Variants in NBEA observed in about 807,000 individuals in gnomAD.
NBEA encodes the protein neurobeachin.
In NBEA, 44 loss-of-function variants were observed where a neutral mutation model predicts 343.4. The observed-to-expected ratio is 0.13, with a 90% confidence interval of 0.10 to 0.16. The LOEUF is 0.16. NBEA is among the 10% of genes least tolerant of loss of function. The pLI is 1.00. For synonymous variants in NBEA, 1,175 were observed against 1,238.7 expected, an observed-to-expected ratio of 0.95 and a Z score of 1.08; for missense variants, 2,555 against 3,631.3, an observed-to-expected ratio of 0.70 and a Z score of 7.62.
Position 35,004,207 on chromosome 13 carries a change from C to CT in NBEA, c.295-36723dup, listed in dbSNP as rs576554155. 3.7e-3 allele frequency among the ~76,000 whole-genome samples: 566 copies of CT among 152,168 alleles called. 2 individuals carry two copies. Among genetic ancestry groups the CT allele is most frequent in the Non-Finnish European group, 6.2e-3 (422 of 68,012 alleles). ...ATGGGCATTTGGGTTGATTCCATGT[C>CT]TTTGCTATTGTGAATAGTGCTGCAG... On this transcript the variant is annotated intron_variant, in intron 1 of 58. Coordinates refer to ENST00000379939, the MANE Select transcript of NBEA (RefSeq NM_001385012.1).
intron 47 of NBEA, among the ~76,000 whole-genome samples, chr13:35,593,788 C>T (rs1242275471): frequency 2.6e-5 from 4 of 152,058 alleles, no homozygotes; most frequent in Non-Finnish European, 5.9e-5. Flanking sequence ...TGGATTTGAC[C>T]TTAATGTGTC....
intron 18 of NBEA, among the ~76,000 whole-genome samples, chr13:35,153,989 A>G (rs1170675348): frequency 6.6e-6 from 1 of 152,016 alleles, no homozygotes; most frequent in South Asian, 2.1e-4. Flanking sequence ...TCTCGTGTCA[A>G]CTCCGTTTGA....
At chr13:35,120,752 A>G (rs557381123) in intron 16 of NBEA, among the ~76,000 whole-genome samples, 13 of 134,038 alleles carry the variant, frequency 9.7e-5, no homozygotes, top group Non-Finnish European at 1.6e-4. Flanking sequence ...TTTCAAAGAA[A>G]GGAATAGACA....
At chr13:35,389,017 C>CTT (rs796374405) in intron 38 of NBEA, among the ~76,000 whole-genome samples, 15 of 137,384 alleles carry the variant, frequency 1.1e-4, no homozygotes, top group African/African-American at 2.6e-4. Context: ...TGGCGGGTTT[C>CTT]TTTTTTTTTT....
At chr13:35,511,553 G>T (rs967907720) in intron 41 of NBEA, among the ~76,000 whole-genome samples, 1 of 152,074 alleles carries the variant, frequency 6.6e-6, no homozygotes, top group African/African-American at 2.4e-5. Flanking sequence ...CACACATCCA[G>T]TATCTCTCAA....
chr13:35,257,344 T>C (rs1245034540), intron 34 of NBEA, among the ~76,000 whole-genome samples: 4 of 152,332 alleles, frequency 2.6e-5, no homozygotes, highest in African/African-American at 9.6e-5. Context: ...GCTAATTCTA[T>C]TGGTATTTTG....
chr13:35,586,842 A>T (rs887516983), intron 46 of NBEA, among the ~76,000 whole-genome samples: 12 of 152,324 alleles, frequency 7.9e-5, no homozygotes, highest in Non-Finnish European at 1.6e-4. Flanking sequence ...CAAATTCCAG[A>T]TACATGGACA....
intron 10 of NBEA, among the ~76,000 whole-genome samples, chr13:35,083,910 A>G (rs546315353): frequency 6.6e-6 from 1 of 152,306 alleles, no homozygotes; most frequent in African/African-American, 2.4e-5. Context: ...AAACAAAAAA[A>G]GGCGGAGATT....
intron 41 of NBEA, among the ~76,000 whole-genome samples, chr13:35,495,373 G>A (rs1268022927): frequency 1.3e-5 from 2 of 151,774 alleles, no homozygotes; most frequent in Non-Finnish European, 2.9e-5. Flanking sequence ...TGTCCATAAA[G>A]CGAAAACAGA....
intron 36 of NBEA, among the ~76,000 whole-genome samples, chr13:35,335,461 C>G (rs2152852381): frequency 6.6e-6 from 1 of 152,134 alleles, no homozygotes; most frequent in Middle Eastern, 3.4e-3. Flanking sequence ...ACTGTTGATT[C>G]TTCCAATCCA....
intron 1 of NBEA, among the ~76,000 whole-genome samples, chr13:35,037,470 G>C (rs180806200): frequency 6.6e-6 from 1 of 152,038 alleles, no homozygotes; most frequent in Admixed American, 6.6e-5. Flanking sequence ...GATGTTCCTC[G>C]GTGCCTGGGC....
chr13:35,028,270 C>G (rs184056539), intron 1 of NBEA, among the ~76,000 whole-genome samples: 11 of 151,866 alleles, frequency 7.2e-5, no homozygotes, highest in Admixed American at 3.3e-4. Context: ...GAGTTGATAT[C>G]TTTATTATGT....
intron 10 of NBEA, among the ~76,000 whole-genome samples, chr13:35,074,891 T>A (rs2064045452): frequency 6.6e-6 from 1 of 152,154 alleles, no homozygotes; most frequent in Non-Finnish European, 1.5e-5. Flanking sequence ...AGTCCTCATG[T>A]TGTACATTAG....
rs57741778 is a variant in NBEA at position 35,536,279 on chromosome 13, G to C, written c.6586-14198G>C. 2.0e-3 allele frequency among the ~76,000 whole-genome samples: 299 copies of C among 152,234 alleles called. 1 individual carries two copies. The highest frequency in any genetic ancestry group is 7.0e-3 in the African/African-American group (290 of 41,524). ...CCTACTACCTACCTGGCAGATACTT[G>C]ATAAATGGTAAATATTTTTTGAATA... is the stretch of plus-strand genomic sequence containing the variant. On this transcript the variant is annotated intron_variant, in intron 41 of 58. Transcript: ENST00000379939.
At chr13:34,995,562 A>T (rs2060911247) in intron 1 of NBEA, among the ~76,000 whole-genome samples, 2 of 152,240 alleles carry the variant, frequency 1.3e-5, no homozygotes, top group African/African-American at 4.8e-5. Flanking sequence ...AGGTTCCAAG[A>T]ACTATCTGCT....
intron 41 of NBEA, among the ~76,000 whole-genome samples, chr13:35,494,964 C>T (rs1414064733): frequency 6.6e-6 from 1 of 151,594 alleles, no homozygotes; most frequent in African/African-American, 2.4e-5. Flanking sequence ...TGAGCTGTGA[C>T]CACACCACTG....
chr13:35,634,637 G>T (rs774550070), intron 49 of NBEA, among the ~76,000 whole-genome samples: 7 of 152,026 alleles, frequency 4.6e-5, no homozygotes, highest in Non-Finnish European at 8.8e-5. Flanking sequence ...AGGCTGTTTT[G>T]CTGGCAGCTA....
At chr13:35,374,229 C>G (rs1417313299) in intron 38 of NBEA, among the ~76,000 whole-genome samples, 1 of 151,938 alleles carries the variant, frequency 6.6e-6, no homozygotes, top group East Asian at 1.9e-4. Context: ...AATGGGGAGG[C>G]CCAAGAAGAA....
intron 49 of NBEA, among the ~76,000 whole-genome samples, chr13:35,640,477 G>C (rs1176161583): frequency 6.6e-6 from 1 of 152,164 alleles, no homozygotes; most frequent in African/African-American, 2.4e-5. Context: ...TTTGTACAGG[G>C]CATAAACAGC....
Sources: gnomAD v4.1 joint callset for allele counts (sites outside exome capture counted in the v4.1 genomes callset) on GRCh38, gnomAD v4.1.1 for gene constraint, MANE v1.5 for transcripts, NCBI Gene and HGNC (gene_info 2026-07-23, HGNC 2026-07-21) for gene names.